ATG5: variants seen among roughly 807,000 people sequenced by gnomAD.
The protein encoded by ATG5 is autophagy protein 5.
Under a neutral mutation model 36.5 loss-of-function variants are expected in ATG5, and 14 were observed. The ratio of observed to expected loss-of-function variants is 0.38; its 90% CI spans 0.25 to 0.60. ATG5 has a LOEUF of 0.60. ATG5 is among the 20% of genes least tolerant of loss of function. The pLI, the probability that ATG5 is intolerant of heterozygous loss-of-function variation, is 0.60. For synonymous variants in ATG5, 95 were observed against 101.5 expected, an observed-to-expected ratio of 0.94 and a Z score of 0.38; for missense variants, 195 against 326.7, an observed-to-expected ratio of 0.60 and a Z score of 3.11.
chr6:106,288,049 C>T (rs975912705), intron 4 of ATG5, among the ~76,000 whole-genome samples: 7 of 151,658 alleles, frequency 4.6e-5, no homozygotes, highest in African/African-American at 1.7e-4. Context: ...CGGCTCACTG[C>T]AACCTCCGCC....
At chr6:106,277,677 G>A (rs1403862797) in intron 5 of ATG5, among the ~76,000 whole-genome samples, 1 of 152,230 alleles carries the variant, frequency 6.6e-6, no homozygotes, top group Non-Finnish European at 1.5e-5. Context: ...AGCTGTGCAT[G>A]TTGGCACATG....
chr6:106,242,095 T>C (rs1304158175), intron 6 of ATG5, among the ~76,000 whole-genome samples: 1 of 151,814 alleles, frequency 6.6e-6, no homozygotes, highest in Non-Finnish European at 1.5e-5. Context: ...ATTAAGCCTT[T>C]AAAAAGTGGA....
chr6:106,230,741 G>GA lies in ATG5; in HGVS notation c.573+17408dup, dbSNP rs564379154. 2.5e-4 allele frequency among the ~76,000 whole-genome samples: 38 copies of GA among 151,618 alleles called. No individual in the cohort carries two copies. The Middle Eastern group carries it at 0.02, about 81-fold the overall frequency. ...GACCAATTTGACTCTCAGATGCTAAGAAAAAAAAGACATATTCTTCTGCAG... is the reference window on the plus strand; with the variant it reads ...GACCAATTTGACTCTCAGATGCTAAGAAAAAAAAAGACATATTCTTCTGCAG... On this transcript the variant is annotated intron_variant, in intron 6 of 7. Transcript: ENST00000369076.
chr6:106,244,533 G>A (rs1311724070), intron 6 of ATG5, among the ~76,000 whole-genome samples: 3 of 152,040 alleles, frequency 2.0e-5, no homozygotes, highest in Non-Finnish European at 4.4e-5. Context: ...CAAATCTCTG[G>A]GAATGCAACA....
chr6:106,316,058 G>A, intron 2 of ATG5, 43 bp downstream of exon 2: 1 of 1,481,056 alleles, frequency 6.8e-7, no homozygotes, highest in Non-Finnish European at 9.3e-7. Flanking sequence ...TTACAAAAAT[G>A]GACAAGGTTA....
chr6:106,242,572 CATG>C (rs1778171201), intron 6 of ATG5, among the ~76,000 whole-genome samples: 1 of 151,456 alleles, frequency 6.6e-6, no homozygotes. Context: ...TTTATTTTAC[CATG>C]ATTAAAAATT....
At chr6:106,204,889 C>T (rs1161778036) in intron 6 of ATG5, among the ~76,000 whole-genome samples, 1 of 152,178 alleles carries the variant, frequency 6.6e-6, no homozygotes, top group Admixed American at 6.5e-5. Flanking sequence ...AAAAGCCATA[C>T]TTTCTCATAC....
chr6:106,230,278 T>G (rs184159509), intron 6 of ATG5, among the ~76,000 whole-genome samples: 1 of 152,352 alleles, frequency 6.6e-6, no homozygotes, highest in East Asian at 1.9e-4. Flanking sequence ...AAAAGCTTAC[T>G]TATACCCTCT....
chr6:106,231,828 G>A (rs536168488), intron 6 of ATG5, among the ~76,000 whole-genome samples: 1 of 152,068 alleles, frequency 6.6e-6, no homozygotes, highest in Non-Finnish European at 1.5e-5. Context: ...GGCAGAATGG[G>A]ACAAATGGGA....
At chr6:106,294,900 G>GT (rs1393353324) in intron 3 of ATG5, among the ~76,000 whole-genome samples, 1 of 148,952 alleles carries the variant, frequency 6.7e-6, no homozygotes, top group East Asian at 2.0e-4. Flanking sequence ...AAATAAAGCA[G>GT]TGGGGGTACT....
chr6:106,192,350 T>C (rs941435760), intron 7 of ATG5, among the ~76,000 whole-genome samples: 2 of 152,150 alleles, frequency 1.3e-5, no homozygotes, highest in Admixed American at 1.3e-4. Flanking sequence ...AAGATTTCTA[T>C]TACTAATGGC....
chr6:106,190,164 TA>T (rs1429167620), intron 7 of ATG5, among the ~76,000 whole-genome samples: 8 of 152,232 alleles, frequency 5.3e-5, no homozygotes, highest in Admixed American at 3.9e-4. Context: ...AGGACTGTCT[TA>T]GTCTGTCTGT....
At chr6:106,236,312 T>C (rs998565042) in intron 6 of ATG5, among the ~76,000 whole-genome samples, 12 of 152,346 alleles carry the variant, frequency 7.9e-5, no homozygotes, top group Non-Finnish European at 1.6e-4. Context: ...TACAATGTTT[T>C]CTCGGACATA....
chr6:106,241,922 C>T (rs1778140519), intron 6 of ATG5, among the ~76,000 whole-genome samples: 2 of 151,726 alleles, frequency 1.3e-5, no homozygotes, highest in African/African-American at 4.8e-5. Flanking sequence ...TCTACACAAA[C>T]ACACACACAC....
At chr6:106,277,743 G>C (rs1031990515) in intron 5 of ATG5, among the ~76,000 whole-genome samples, 71 of 152,202 alleles carry the variant, frequency 4.7e-4, no homozygotes, top group African/African-American at 1.7e-3. Context: ...GAACCTGGAA[G>C]GCAAAGGATG....
rs1770844649 is a variant in ATG5, at chr6:106,316,266, A to G, written c.-58T>C. The G allele has an allele frequency of 1.5e-6, 2 of 1,358,660 alleles. No homozygotes were observed. The highest frequency in any genetic ancestry group is 1.0e-6 in the Non-Finnish European group (1 of 958,318). 84.2% of individuals were successfully genotyped at this position (1,358,660 alleles called of 1,614,324 possible). ...AAATTCTTATTTCAACCAAAGCCAA[A>G]CTGAAAATAAAATGAAGAGCATTAG... On this transcript the variant is annotated splice_region_variant and 5_prime_UTR_variant, in exon 2 of 8. Coordinates refer to ENST00000369076, the MANE Select transcript of ATG5 (RefSeq NM_004849.4).
Position 106,186,303 on chromosome 6 carries a change from G to A in ATG5, c.*237C>T. The A allele has an allele frequency of 4.3e-6, 2 of 464,842 alleles. No homozygotes were observed. Among genetic ancestry groups the A allele is most frequent in the Middle Eastern group, 5.6e-4 (1 of 1,778 alleles). The allele number at this position is 464,842 out of a possible 1,614,324, so 28.8% of individuals were successfully genotyped here. A position where few individuals can be genotyped will look rare whatever the true frequency, so the allele number is the denominator to read the frequency against. On this transcript the variant is annotated 3_prime_UTR_variant, in exon 8 of 8. Transcript: ENST00000369076. The stretch of plus-strand genomic sequence containing the variant: ...TTTACAGAAGACCTTCAGTGGTCCG[G>A]TAAGTCTTTCATGTCACAGCTGAGG...
intron 6 of ATG5, among the ~76,000 whole-genome samples, chr6:106,234,884 A>C (rs758398177): frequency 6.6e-6 from 1 of 152,176 alleles, no homozygotes. Context: ...GATCAACTTA[A>C]CTTCCTAGCA....
intron 4 of ATG5, among the ~76,000 whole-genome samples, chr6:106,287,803 A>T (rs1780139215): frequency 2.0e-5 from 3 of 152,286 alleles, no homozygotes; most frequent in Admixed American, 2.0e-4. Flanking sequence ...TTTTAATTTT[A>T]AAAAATCTAC....
Sources: gnomAD v4.1 joint callset for allele counts (sites outside exome capture counted in the v4.1 genomes callset) on GRCh38, gnomAD v4.1.1 for gene constraint, MANE v1.5 for transcripts, NCBI Gene and HGNC (gene_info 2026-07-23, HGNC 2026-07-21) for gene names.